The following CDK14 variants were observed in gnomAD, a reference collection of about 807,000 sequenced individuals.
CDK14 encodes cyclin-dependent kinase 14.
In CDK14, 34 loss-of-function variants were observed where a neutral mutation model predicts 60.7. The observed-to-expected ratio is 0.56, with a 90% CI of 0.43 to 0.75. The LOEUF is 0.75. CDK14 is among the 30% of genes least tolerant of loss of function. CDK14 has a pLI of 0.00. For missense variants in CDK14, 482 were observed against 564.1 expected (o/e 0.85, Z 1.47); for synonymous variants, 197 against 203.7 (o/e 0.97, Z 0.28).
intron 5 of CDK14, among the ~76,000 whole-genome samples, chr7:90,799,854 G>A (rs1254877699): frequency 6.6e-6 from 1 of 151,992 alleles, no homozygotes; most frequent in African/African-American, 2.4e-5. Context: ...GTCAAGGTTA[G>A]CAAAAAAGAT....
chr7:90,841,332 A>G (rs1790283359), intron 5 of CDK14, among the ~76,000 whole-genome samples: 1 of 152,106 alleles, frequency 6.6e-6, no homozygotes, highest in African/African-American at 2.4e-5. Context: ...TTAGCTCATC[A>G]GCTGTAAAAA....
At chr7:91,101,654 T>C (rs1799148476) in intron 12 of CDK14, among the ~76,000 whole-genome samples, 2 of 152,196 alleles carry the variant, frequency 1.3e-5, no homozygotes, top group Admixed American at 6.5e-5. Flanking sequence ...TCATTATTAA[T>C]GTAACTACGA....
At chr7:91,183,575 AC>A (rs1802072577) in intron 14 of CDK14, among the ~76,000 whole-genome samples, 1 of 152,216 alleles carries the variant, frequency 6.6e-6, no homozygotes, top group Admixed American at 6.5e-5. Flanking sequence ...CAGTCAAACA[AC>A]AAACACTTAC....
chr7:91,192,787 GA>G (rs891504266), intron 14 of CDK14, among the ~76,000 whole-genome samples: 8 of 152,030 alleles, frequency 5.3e-5, no homozygotes, highest in African/African-American at 1.9e-4. Flanking sequence ...TAATAGAGAA[GA>G]AAAAGAATGG....
At position 90,649,398 on chromosome 7, in the gene CDK14, T is replaced by TTCC. The variant is rs1563030139; in HGVS notation, c.123+45150_123+45151insCCT. Among the ~76,000 whole-genome samples, 72 of 36,384 alleles carry TTCC rather than the reference T, an allele frequency of 2.0e-3. 9 individuals are homozygous for TTCC. Among genetic ancestry groups the TTCC allele is most frequent in the African/African-American group, 6.8e-3 (48 of 7,062 alleles). The allele number at this position is 36,384 out of a possible 152,430, so 23.9% of individuals were successfully genotyped here. ...CCTTCCTTCCTTCCTTCCTTCCTTC[T>TTCC]TTCTTTCTTTCTTTCTTTCTTTCCT... On this transcript the variant is annotated intron_variant, in intron 2 of 14. Coordinates refer to ENST00000380050, the MANE Select transcript of CDK14 (RefSeq NM_001287135.2).
intron 10 of CDK14, among the ~76,000 whole-genome samples, chr7:91,032,078 T>A (rs1419857629): frequency 6.6e-6 from 1 of 152,180 alleles, no homozygotes; most frequent in Non-Finnish European, 1.5e-5. Context: ...GGGTCATACA[T>A]CCAGGTTGCA....
chr7:90,636,186 TGA>T (rs1800143060), intron 2 of CDK14, among the ~76,000 whole-genome samples: 1 of 151,904 alleles, frequency 6.6e-6, no homozygotes, highest in Non-Finnish European at 1.5e-5. Flanking sequence ...ATAGGAGTGG[TGA>T]GAGAGGGCAT....
At chr7:90,819,945 A>T (rs1789483969) in intron 5 of CDK14, among the ~76,000 whole-genome samples, 2 of 152,110 alleles carry the variant, frequency 1.3e-5, no homozygotes, top group South Asian at 4.1e-4. Flanking sequence ...GGTCATCCTT[A>T]ACATCATTTT....
intron 4 of CDK14, among the ~76,000 whole-genome samples, chr7:90,781,653 G>A (rs953565579): frequency 4.0e-5 from 6 of 151,198 alleles, no homozygotes; most frequent in Non-Finnish European, 7.4e-5. Flanking sequence ...AGTTTTCCCA[G>A]CACCATGTAT....
intron 3 of CDK14, among the ~76,000 whole-genome samples, chr7:90,729,344 G>GTTGTT (rs1802762638): frequency 2.2e-5 from 1 of 45,206 alleles, no homozygotes; most frequent in Non-Finnish European, 3.8e-5. Flanking sequence ...AGGTATCAAG[G>GTTGTT]TTTTTTTTTT....
chr7:90,896,883 A>AT (rs1393606112), intron 6 of CDK14, among the ~76,000 whole-genome samples: 2 of 151,988 alleles, frequency 1.3e-5, no homozygotes, highest in Non-Finnish European at 2.9e-5. Flanking sequence ...AATTTTTGAG[A>AT]TTTTCTCTTT....
intron 8 of CDK14, among the ~76,000 whole-genome samples, chr7:90,933,646 T>C (rs1258945154): frequency 6.6e-6 from 1 of 152,208 alleles, no homozygotes; most frequent in Non-Finnish European, 1.5e-5. Context: ...ACTTTTTGCT[T>C]GGGAGATTTA....
At chr7:91,034,122 A>G (rs961587620) in intron 10 of CDK14, among the ~76,000 whole-genome samples, 1 of 152,158 alleles carries the variant, frequency 6.6e-6, no homozygotes, top group Non-Finnish European at 1.5e-5. Context: ...TTCATCCACC[A>G]ATCTTTTGTG....
chr7:90,801,640 G>A (rs1788633840), intron 5 of CDK14, among the ~76,000 whole-genome samples: 1 of 152,178 alleles, frequency 6.6e-6, no homozygotes, highest in South Asian at 2.1e-4. Flanking sequence ...AAGACAAAAT[G>A]TTCCAGGCTG....
intron 11 of CDK14, among the ~76,000 whole-genome samples, chr7:91,046,287 T>C (rs1287058465): frequency 2.6e-5 from 4 of 152,202 alleles, no homozygotes; most frequent in African/African-American, 7.2e-5. Context: ...GTAATCCATC[T>C]GTGTCACTTC....
chr7:90,768,980 A>G (rs1318258745), intron 4 of CDK14, among the ~76,000 whole-genome samples: 1 of 152,194 alleles, frequency 6.6e-6, no homozygotes, highest in Non-Finnish European at 1.5e-5. Flanking sequence ...TGAACAAAAG[A>G]GTTAATGTTA....
intron 14 of CDK14, among the ~76,000 whole-genome samples, chr7:91,168,463 AAC>A (rs1333224207): frequency 1.3e-5 from 2 of 152,232 alleles, no homozygotes; most frequent in Non-Finnish European, 2.9e-5. Context: ...ATTAAAATAT[AAC>A]ACAAATTTTT....
intron 6 of CDK14, among the ~76,000 whole-genome samples, chr7:90,867,987 C>A (rs556659770): frequency 7.5e-4 from 114 of 151,736 alleles, no homozygotes; most frequent in African/African-American, 2.6e-3. Flanking sequence ...AAAAAATTAC[C>A]CAGGCTGGTG....
intron 5 of CDK14, among the ~76,000 whole-genome samples, chr7:90,854,304 G>C (rs1215486321): frequency 6.6e-6 from 1 of 152,004 alleles, no homozygotes. Context: ...ACTTGAGTGC[G>C]GGAATTCGAG....
Sources: allele counts gnomAD v4.1 joint callset (sites outside exome capture counted in the v4.1 genomes callset), GRCh38; gene constraint gnomAD v4.1.1; transcripts MANE v1.5; gene names NCBI Gene and HGNC (gene_info 2026-07-23, HGNC 2026-07-21).